The following TMEM200A variants were observed in gnomAD, a reference collection of about 807,000 sequenced individuals.
The protein encoded by TMEM200A is two transmembrane C.
Under a neutral mutation model 24.3 loss-of-function variants are expected in TMEM200A, and 12 were observed. The observed-to-expected ratio is 0.49, with a 90% CI of 0.32 to 0.80. TMEM200A has a LOEUF of 0.80. Ranked by LOEUF, TMEM200A falls within the 30% of genes least tolerant of loss-of-function variation. TMEM200A has a pLI of 0.04. For synonymous variants in TMEM200A, 224 were observed against 224.4 expected, an observed-to-expected ratio of 1.00 and a Z score of 0.02; for missense variants, 545 against 614.4, an observed-to-expected ratio of 0.89 and a Z score of 1.19.
intron 2 of TMEM200A, among the ~76,000 whole-genome samples, chr6:130,429,228 G>T (rs1583225851): frequency 1.3e-5 from 2 of 152,040 alleles, no homozygotes; most frequent in African/African-American, 2.4e-5. Flanking sequence ...TTTTGACAAA[G>T]AAAAATAATG....
intron 2 of TMEM200A, among the ~76,000 whole-genome samples, chr6:130,389,172 T>G (rs1778779374): frequency 6.6e-6 from 1 of 152,158 alleles, no homozygotes; most frequent in African/African-American, 2.4e-5. Context: ...AGTCCCCTGA[T>G]TTTACAGATG....
chr6:130,366,469 C>G lies in TMEM200A; in HGVS notation c.-136C>G. On this transcript the variant is annotated 5_prime_UTR_variant, in exon 1 of 3. Transcript: ENST00000296978. This position sits in a 1 kb window ranked among gnomAD's most constrained non-coding sequence, Gnocchi z 4.4. ...GTCCCGACAGCTCCTGGAGTGAGAC[C>G]AGGACTGAGAACAGGGAGAGGCGAC... 2.0e-6 allele frequency: 2 copies of G among 985,874 alleles called. No individual in the cohort carries two copies. Among genetic ancestry groups the G allele is most frequent in the Non-Finnish European group, 2.4e-6 (2 of 830,288 alleles). 61.1% of individuals were successfully genotyped at this position (985,874 alleles called of 1,614,324 possible).
intron 1 of TMEM200A, among the ~76,000 whole-genome samples, chr6:130,367,104 A>G (rs1778188083): frequency 6.6e-6 from 1 of 152,142 alleles, no homozygotes; most frequent in African/African-American, 2.4e-5. Context: ...GTGTGTATTT[A>G]CCGCTGTTTG....
chr6:130,403,383 A>T (rs904584394), intron 2 of TMEM200A, among the ~76,000 whole-genome samples: 5 of 152,124 alleles, frequency 3.3e-5, no homozygotes, highest in African/African-American at 1.2e-4. Context: ...ATTCTTCTTA[A>T]TTATTATTAT....
intron 1 of TMEM200A, among the ~76,000 whole-genome samples, chr6:130,370,576 C>T (rs138149465): frequency 2.0e-5 from 3 of 152,256 alleles, no homozygotes; most frequent in Non-Finnish European, 2.9e-5. Flanking sequence ...GGAGTTTGCA[C>T]ATGGAAGCAA....
intron 1 of TMEM200A, among the ~76,000 whole-genome samples, chr6:130,374,509 A>G (rs771808771): frequency 6.6e-6 from 1 of 151,538 alleles, no homozygotes; most frequent in Non-Finnish European, 1.5e-5. Context: ...TCCGCCTCTC[A>G]GGTTCAAGCG....
At chr6:130,396,523 GA>G (rs1160860018) in intron 2 of TMEM200A, among the ~76,000 whole-genome samples, 1 of 151,276 alleles carries the variant, frequency 6.6e-6, no homozygotes. Context: ...AGATATTTTG[GA>G]AAAAATATAA....
At chr6:130,373,206 C>T (rs1282893518) in intron 1 of TMEM200A, among the ~76,000 whole-genome samples, 4 of 152,124 alleles carry the variant, frequency 2.6e-5, no homozygotes, top group Non-Finnish European at 5.9e-5. Flanking sequence ...TAAGTCAGAT[C>T]GGCTTAGTGA....
At chr6:130,439,739 A>G (rs1255866351) in intron 2 of TMEM200A, among the ~76,000 whole-genome samples, 3 of 152,210 alleles carry the variant, frequency 2.0e-5, no homozygotes, top group Non-Finnish European at 2.9e-5. Context: ...GAGTAGAAGT[A>G]GGAGAACTTA....
rs781297791 is a variant in TMEM200A, at chr6:130,441,772, C to T, written c.1350C>T (p.Ile450=). The change falls in exon 3 of 3, where the codon ATC becomes ATT. Residue 450 remains isoleucine (I), a synonymous_variant. Coordinates refer to ENST00000296978, the MANE Select transcript of TMEM200A (RefSeq NM_001258277.2). ...MDRLLVPQVA[I]KKDFTNKEKL... Reference sequence around the variant, plus strand: ...GGTTGCTTGTGCCCCAAGTTGCCATCAAAAAGGACTTTACCAATAAGGAGA... The same window carrying T: ...GGTTGCTTGTGCCCCAAGTTGCCATTAAAAAGGACTTTACCAATAAGGAGA... 1.2e-6 allele frequency: 2 copies of T among 1,613,994 alleles called. No individual in the cohort carries two copies. Among genetic ancestry groups the T allele is most frequent in the Non-Finnish European group, 1.7e-6 (2 of 1,179,952 alleles).
chr6:130,381,339 A>G (rs1342432900), intron 1 of TMEM200A, among the ~76,000 whole-genome samples: 2 of 152,208 alleles, frequency 1.3e-5, no homozygotes, highest in Non-Finnish European at 2.9e-5. Context: ...TCTGTATTTG[A>G]TGATCCATCC....
chr6:130,411,363 A>C (rs547467694), intron 2 of TMEM200A, among the ~76,000 whole-genome samples: 1 of 152,278 alleles, frequency 6.6e-6, no homozygotes, highest in African/African-American at 2.4e-5. Flanking sequence ...GTTTTCCTAA[A>C]ACACTTGAAA....
chr6:130,386,073 A>C (rs918112198), intron 2 of TMEM200A, among the ~76,000 whole-genome samples: 3 of 152,202 alleles, frequency 2.0e-5, no homozygotes, highest in Non-Finnish European at 2.9e-5. Context: ...TGGTTTATAA[A>C]ACAACTAACA....
At chr6:130,411,179 A>G (rs1165973796) in intron 2 of TMEM200A, among the ~76,000 whole-genome samples, 3 of 152,050 alleles carry the variant, frequency 2.0e-5, no homozygotes, top group African/African-American at 7.3e-5. Flanking sequence ...AAAAAAAAAA[A>G]AATCAATATG....
intron 1 of TMEM200A, among the ~76,000 whole-genome samples, chr6:130,373,739 T>C (rs572107911): frequency 6.6e-6 from 1 of 152,230 alleles, no homozygotes; most frequent in Non-Finnish European, 1.5e-5. Flanking sequence ...TTTAAAAAGA[T>C]TCGTGGAACG....
chr6:130,368,497 G>A (rs1012009003), intron 1 of TMEM200A, among the ~76,000 whole-genome samples: 4 of 152,190 alleles, frequency 2.6e-5, no homozygotes, highest in African/African-American at 9.7e-5. Context: ...AACCTGCAAT[G>A]AGATGGACCT....
At chr6:130,388,435 A>C (rs536730944) in intron 2 of TMEM200A, among the ~76,000 whole-genome samples, 117 of 152,370 alleles carry the variant, frequency 7.7e-4, no homozygotes, top group African/African-American at 2.6e-3. Context: ...AATAAGGAAC[A>C]TGAGGCATAG....
rs1160724437 is a variant in TMEM200A at position 130,442,743 on chromosome 6, A to G, written c.*845A>G. On this transcript the variant is annotated 3_prime_UTR_variant, in exon 3 of 3. Transcript: ENST00000296978. The stretch of plus-strand genomic sequence containing the variant: ...GATACATTATATACTAGTTAATGCT[A>G]ACTAGTCTCAGTACCTGTTTTTAGC... 4 of 167,026 alleles carry G rather than the reference A, an allele frequency of 2.4e-5. No individual in the cohort carries two copies. Among genetic ancestry groups the G allele is most frequent in the Non-Finnish European group, 5.9e-5 (4 of 68,104 alleles). The allele number at this position is 167,026 out of a possible 1,614,324, so 10.3% of individuals were successfully genotyped here. A position where few individuals can be genotyped will look rare whatever the true frequency, so the allele number is the denominator to read the frequency against.
At chr6:130,411,716 T>A (rs1779334145) in intron 2 of TMEM200A, among the ~76,000 whole-genome samples, 1 of 152,218 alleles carries the variant, frequency 6.6e-6, no homozygotes, top group Non-Finnish European at 1.5e-5. Context: ...TGTTGTTAGA[T>A]TCAGGTTTGG....
Sources: gnomAD v4.1 joint callset for allele counts (sites outside exome capture counted in the v4.1 genomes callset) on GRCh38, gnomAD v4.1.1 for gene constraint, Gnocchi (gnomAD v3.1) non-coding constraint, MANE v1.5 for transcripts, NCBI Gene and HGNC (gene_info 2026-07-23, HGNC 2026-07-21) for gene names.